RAI1: variants seen among roughly 807,000 people sequenced by gnomAD.
RAI1 encodes retinoic acid-induced protein 1.
A neutral mutation model predicts 123.8 loss-of-function variants in RAI1; 9 were observed. The observed-to-expected ratio is 0.07, with a 90% CI of 0.04 to 0.13. RAI1 has a LOEUF of 0.13. RAI1 is among the 10% of genes least tolerant of loss of function. The probability of loss-of-function intolerance (pLI) is 1.00; values close to 1 mark genes in which losing one functional copy is unlikely to be tolerated. For synonymous variants in RAI1, 1,231 were observed against 1,127.3 expected (o/e 1.09, Z -1.84); for missense variants, 2,256 against 2,545.8 (o/e 0.89, Z 2.45).
intron 1 of RAI1, among the ~76,000 whole-genome samples, chr17:17,693,811 G>A (rs1914917607): frequency 6.6e-6 from 1 of 152,236 alleles, no homozygotes. Flanking sequence ...CGGGAGACCA[G>A]GCCATTGCTC....
intron 2 of RAI1, among the ~76,000 whole-genome samples, chr17:17,792,293 T>C (rs1296352021): frequency 6.6e-6 from 1 of 151,206 alleles, no homozygotes; most frequent in Non-Finnish European, 1.5e-5. Flanking sequence ...GTGGCAGTGA[T>C]AGAGGAGGTG....
At chr17:17,753,925 T>G (rs1048102133) in intron 2 of RAI1, among the ~76,000 whole-genome samples, 1 of 152,208 alleles carries the variant, frequency 6.6e-6, no homozygotes, top group African/African-American at 2.4e-5. Flanking sequence ...AAAAATGTGC[T>G]TGTCCACACA....
At position 17,793,758 on chromosome 17, in the gene RAI1, G is replaced by A. The variant is rs2032114636; in HGVS notation, c.810G>A (p.Gln270=). 1.9e-6 allele frequency: 3 copies of A among 1,611,478 alleles called. No individual in the cohort carries two copies. The highest frequency in any genetic ancestry group is 2.5e-6 in the Non-Finnish European group (3 of 1,179,862). The part of the protein sequence containing the change: ...GQRVQNLHAY[Q]SGRLSYDQQQ... ...GGGTCCAGAATCTTCATGCCTACCA[G>A]TCGGGCCGCCTCAGCTATGACCAGC... The change falls in exon 3 of 6, where the codon CAG becomes CAA. Residue 270 remains glutamine, a synonymous_variant. Transcript: ENST00000353383.
chr17:17,705,877 A>G (rs558431303), intron 1 of RAI1, among the ~76,000 whole-genome samples: 1 of 152,004 alleles, frequency 6.6e-6, no homozygotes, highest in East Asian at 1.9e-4. Context: ...TACAAAAATT[A>G]GCTGGGCATG....
chr17:17,753,306 G>A (rs921317553), intron 2 of RAI1, among the ~76,000 whole-genome samples: 3 of 152,202 alleles, frequency 2.0e-5, no homozygotes, highest in Admixed American at 6.5e-5. Flanking sequence ...CTGACTCTTC[G>A]TTTGTGTATT....
At chr17:17,752,558 C>A (rs2030244673) in intron 2 of RAI1, among the ~76,000 whole-genome samples, 1 of 152,166 alleles carries the variant, frequency 6.6e-6, no homozygotes, top group Non-Finnish European at 1.5e-5. Context: ...CAGACCCGGG[C>A]TTCCTGTCCG....
Position 17,722,896 on chromosome 17 carries a change from GCCTGTT to G in RAI1, c.-148-1131_-148-1126del, listed in dbSNP as rs555199297. On this transcript the variant is annotated intron_variant, in intron 1 of 5. Transcript: ENST00000353383. The stretch of plus-strand genomic sequence containing the variant: ...CGCGCTGCGCCGCGACCCCGGCGCT[GCCTGTT>G]GGCGCCTTAAGCGGCTCTTCTGCCG... Among the ~76,000 whole-genome samples, 500 of 152,288 alleles carry G rather than the reference GCCTGTT, an allele frequency of 3.3e-3. 4 individuals are homozygous for G. Among genetic ancestry groups the G allele is most frequent in the African/African-American group, 9.9e-3 (410 of 41,574 alleles).
intron 1 of RAI1, among the ~76,000 whole-genome samples, chr17:17,694,900 G>C (rs887546220): frequency 1.3e-5 from 2 of 152,052 alleles, no homozygotes; most frequent in Admixed American, 6.5e-5. Flanking sequence ...GGGGCTTCCA[G>C]TCCCAGCGTT....
intron 1 of RAI1, among the ~76,000 whole-genome samples, chr17:17,713,166 T>A (rs531987659): frequency 2.8e-3 from 430 of 151,706 alleles, no homozygotes; most frequent in Non-Finnish European, 4.8e-3. Context: ...AAAAAAAAAA[T>A]TTTTTTTAAG....
In RAI1 at chr17:17,694,971, A is replaced by T. The variant is rs1238978970; in HGVS notation, c.-149+13178A>T. ...GCGCATCTCTGGGCCTCGTTCTCCC[A>T]CTCCCTGGATGTTTGGGGATAATGA... On this transcript the variant is annotated intron_variant, in intron 1 of 5. Transcript: ENST00000353383. 8.6e-5 allele frequency among the ~76,000 whole-genome samples: 13 copies of T among 151,414 alleles called. 1 individual carries two copies. Among genetic ancestry groups the T allele is most frequent in the Admixed American group, 8.5e-4 (13 of 15,258 alleles).
chr17:17,801,421 G>A lies in RAI1; in HGVS notation c.5566-2335G>A, dbSNP rs2032458246. On this transcript the variant is annotated intron_variant, in intron 3 of 5. Coordinates refer to ENST00000353383, the MANE Select transcript of RAI1 (RefSeq NM_030665.4). This position sits in a 1 kb window ranked among gnomAD's most constrained non-coding sequence, Gnocchi z 4.1. ...ATCTTAGTTTCTTCACATCTAAAAT[G>A]CTATTCATATGCCTGCCTGAGGGTG... Among the ~76,000 whole-genome samples, 1 of 152,178 alleles carries A rather than the reference G, an allele frequency of 6.6e-6. No homozygotes were observed.
intron 2 of RAI1, among the ~76,000 whole-genome samples, chr17:17,738,910 A>G (rs1916526923): frequency 6.6e-6 from 1 of 152,164 alleles, no homozygotes; most frequent in Non-Finnish European, 1.5e-5. Context: ...CACGGGCCCC[A>G]GCCTTACCCA....
rs561306758 is a variant in RAI1 at position 17,798,499 on chromosome 17, G to T, written c.5551G>T (p.Val1851Leu). 2 of 1,601,468 alleles carry T rather than the reference G, an allele frequency of 1.2e-6. No homozygotes were observed. Among genetic ancestry groups the T allele is most frequent in the East Asian group, 4.5e-5 (2 of 44,876 alleles). Reference sequence around the variant, plus strand: ...CTTTGGGCTGCAGGAGGCCATGAAGGTGGCCGTGGACATGGTAAGAGGCCA... The same window carrying T: ...CTTTGGGCTGCAGGAGGCCATGAAGTTGGCCGTGGACATGGTAAGAGGCCA... Reference protein sequence around the residue: ...KLFGLQEAMKVAVDMMCSSCQ... With the variant: ...KLFGLQEAMKLAVDMMCSSCQ... The change falls in exon 3 of 6, where the codon GTG becomes TTG. Residue 1851 changes from valine to leucine, a missense_variant. Coordinates refer to ENST00000353383, the MANE Select transcript of RAI1 (RefSeq NM_030665.4).
intron 1 of RAI1, among the ~76,000 whole-genome samples, chr17:17,682,099 G>A (rs1444194801): frequency 6.6e-6 from 1 of 150,754 alleles, no homozygotes. Flanking sequence ...CGAGGGGCGA[G>A]TGTGGCAAGG....
intron 1 of RAI1, among the ~76,000 whole-genome samples, chr17:17,719,822 T>C (rs1915818947): frequency 6.6e-6 from 1 of 152,094 alleles, no homozygotes; most frequent in Admixed American, 6.5e-5. Flanking sequence ...AGTGATCCAG[T>C]CTCTCAAATG....
At chr17:17,692,450 C>T (rs1914873203) in intron 1 of RAI1, among the ~76,000 whole-genome samples, 1 of 152,198 alleles carries the variant, frequency 6.6e-6, no homozygotes, top group South Asian at 2.1e-4. Flanking sequence ...ATTAACTGCC[C>T]TATATCCATT....
intron 2 of RAI1, among the ~76,000 whole-genome samples, chr17:17,746,597 AGC>A (rs928695448): frequency 6.7e-6 from 1 of 149,540 alleles, no homozygotes; most frequent in Non-Finnish European, 1.5e-5. Flanking sequence ...CCTGTCCCAG[AGC>A]ACCATATGTG....
intron 2 of RAI1, among the ~76,000 whole-genome samples, chr17:17,787,624 G>T (rs1394264811): frequency 6.6e-6 from 1 of 152,196 alleles, no homozygotes; most frequent in Non-Finnish European, 1.5e-5. Flanking sequence ...CTGGCCATCT[G>T]CCCCTCGTCC....
At chr17:17,779,178 G>A (rs1272428897) in intron 2 of RAI1, 2 of 341,868 alleles carry the variant, frequency 5.9e-6, no homozygotes, top group Non-Finnish European at 5.8e-6. Context: ...CCGTGGTGAG[G>A]AAAGCCTCCC....
Sources: gnomAD v4.1 joint callset for allele counts (sites outside exome capture counted in the v4.1 genomes callset) on GRCh38, gnomAD v4.1.1 for gene constraint, Gnocchi (gnomAD v3.1) non-coding constraint, MANE v1.5 for transcripts, NCBI Gene and HGNC (gene_info 2026-07-23, HGNC 2026-07-21) for gene names.